Variants in GSG1L observed in about 807,000 individuals in gnomAD.
GSG1L encodes GSG1 like, also known as germ cell-specific gene 1-like protein.
Under a neutral mutation model 42.1 loss-of-function variants are expected in GSG1L, and 24 were observed. That is an observed-to-expected ratio of 0.57 (90% CI 0.41 to 0.80). The LOEUF is 0.80. GSG1L is among the 30% of genes least tolerant of loss of function. The probability of loss-of-function intolerance (pLI) is 0.00; values close to 1 mark genes in which losing one functional copy is unlikely to be tolerated. For synonymous variants in GSG1L, 215 were observed against 203.5 expected (o/e 1.06, Z -0.48); for missense variants, 445 against 472.2 (o/e 0.94, Z 0.53).
chr16:27,847,902 C>A (rs1325266823), intron 3 of GSG1L, among the ~76,000 whole-genome samples: 1 of 152,168 alleles, frequency 6.6e-6, no homozygotes, highest in African/African-American at 2.4e-5. Flanking sequence ...GAACCATGAG[C>A]CAATTAAACC....
Position 28,004,006 on chromosome 16 carries a change from G to C in GSG1L, c.350-40803C>G, listed in dbSNP as rs1301669391. On this transcript the variant is annotated intron_variant, in intron 1 of 6. Transcript: ENST00000447459. ...GATGACACGGGCGGCACAGCTGCTG[G>C]TGCCCACTGTGAGTGTCACGCACCA... 2.0e-5 allele frequency among the ~76,000 whole-genome samples: 3 copies of C among 152,244 alleles called. No individual in the cohort carries two copies. In the East Asian group the frequency reaches 5.8e-4, roughly 29 times the overall value.
At chr16:27,994,830 G>A (rs975133672) in intron 1 of GSG1L, among the ~76,000 whole-genome samples, 1 of 152,184 alleles carries the variant, frequency 6.6e-6, no homozygotes, top group African/African-American at 2.4e-5. Flanking sequence ...ACAGGGCCAC[G>A]ACATTGCACA....
chr16:27,978,844 TG>T (rs1174426182), intron 1 of GSG1L, among the ~76,000 whole-genome samples: 1 of 152,100 alleles, frequency 6.6e-6, no homozygotes, highest in Non-Finnish European at 1.5e-5. Context: ...TCCAATCTTC[TG>T]GGGTTGCTGG....
chr16:27,821,493 C>T (rs1039934573), intron 5 of GSG1L, among the ~76,000 whole-genome samples: 10 of 152,174 alleles, frequency 6.6e-5, no homozygotes, highest in African/African-American at 2.4e-4. Context: ...TCCATGTGTA[C>T]CCAGTGATTA....
intron 4 of GSG1L, 78 bp from the exon 5 acceptor site, chr16:27,829,034 C>T: frequency 1.4e-6 from 2 of 1,384,288 alleles, no homozygotes. Context: ...ACCAAACATT[C>T]ATTCATCCCT....
chr16:27,869,699 C>T (rs2083782999), intron 3 of GSG1L, among the ~76,000 whole-genome samples: 3 of 132,276 alleles, frequency 2.3e-5, no homozygotes, highest in East Asian at 2.4e-4. Context: ...CTCTGTCTCC[C>T]TCCATTTCTC....
intron 2 of GSG1L, among the ~76,000 whole-genome samples, chr16:27,940,125 G>C (rs542315468): frequency 1.9e-4 from 29 of 152,274 alleles, no homozygotes; most frequent in African/African-American, 6.0e-4. Context: ...CTGGCCATCA[G>C]AGAAATGCAA....
At position 28,063,196 on chromosome 16, in the gene GSG1L, AGGCGGT is replaced by A. The variant is rs769658739; in HGVS notation, c.223_228del (p.Thr75_Ala76del). 1.1e-4 allele frequency: 138 copies of A among 1,295,062 alleles called. No homozygotes were observed. The highest frequency in any genetic ancestry group is 1.3e-4 in the Non-Finnish European group (132 of 1,023,808). The allele number at this position is 1,295,062 out of a possible 1,614,324, so 80.2% of individuals were successfully genotyped here. A position where few individuals can be genotyped will look rare whatever the true frequency, so the allele number is the denominator to read the frequency against. On this transcript the variant is annotated inframe_deletion, in exon 1 of 7. Coordinates refer to ENST00000447459, the MANE Select transcript of GSG1L (RefSeq NM_001109763.2). The surrounding 1 kb of genome is among the most constrained non-coding windows in gnomAD (Gnocchi z 5.8). ...GCGCCGCCAGGGGGGCCGTTCCCCG[AGGCGGT>A]GGCGGCGGCGGCGGCGGCGGCGGGG...
chr16:28,004,544 G>T (rs1161108821), intron 1 of GSG1L, among the ~76,000 whole-genome samples: 1 of 151,104 alleles, frequency 6.6e-6, no homozygotes, highest in Non-Finnish European at 1.5e-5. Context: ...GGAGGCCAAG[G>T]CAGGAGGGTT....
intron 2 of GSG1L, among the ~76,000 whole-genome samples, chr16:27,956,656 C>T (rs534060730): frequency 7.9e-5 from 12 of 152,254 alleles, no homozygotes; most frequent in Admixed American, 6.5e-4. Context: ...GCATTTCTGT[C>T]ATTACCATGA....
At chr16:27,898,878 A>G (rs928353862) in intron 2 of GSG1L, among the ~76,000 whole-genome samples, 1 of 152,226 alleles carries the variant, frequency 6.6e-6, no homozygotes, top group African/African-American at 2.4e-5. Flanking sequence ...ATATTCCCAC[A>G]TGGAAATAGT....
rs1365642886 is a variant in GSG1L at position 28,040,875 on chromosome 16, T to C, written c.349+22201A>G. Among the ~76,000 whole-genome samples the C allele has an allele frequency of 6.6e-6, 1 of 152,212 alleles. No individual in the cohort carries two copies. Among genetic ancestry groups the C allele is most frequent in the East Asian group, 1.9e-4 (1 of 5,198 alleles). On this transcript the variant is annotated intron_variant, in intron 1 of 6. Coordinates refer to ENST00000447459, the MANE Select transcript of GSG1L (RefSeq NM_001109763.2). The surrounding 1 kb of genome is among the most constrained non-coding windows in gnomAD (Gnocchi z 4.1). ...GTATCCCCATCCCAGACCATCTCTC[T>C]GCGTTCCGAGGGCCTTATTCAGACC... is the stretch of plus-strand genomic sequence containing the variant.
intron 2 of GSG1L, among the ~76,000 whole-genome samples, chr16:27,893,234 C>T (rs1200403996): frequency 6.6e-6 from 1 of 152,190 alleles, no homozygotes; most frequent in Non-Finnish European, 1.5e-5. Flanking sequence ...TAAAAAACAG[C>T]TTTGTGATGC....
At chr16:28,024,298 A>G (rs1229365249) in intron 1 of GSG1L, among the ~76,000 whole-genome samples, 6 of 152,140 alleles carry the variant, frequency 3.9e-5, no homozygotes, top group African/African-American at 1.4e-4. Context: ...CTCCATGGAA[A>G]TCATCAGGGA....
intron 4 of GSG1L, among the ~76,000 whole-genome samples, chr16:27,842,896 T>C (rs57057516): frequency 0.033 from 4,977 of 151,946 alleles, 286 homozygotes; most frequent in African/African-American, 0.11. Context: ...GATTCCCTCC[T>C]GTTTTGCCTT....
At chr16:27,930,653 C>T (rs557255871) in intron 2 of GSG1L, among the ~76,000 whole-genome samples, 1 of 152,150 alleles carries the variant, frequency 6.6e-6, no homozygotes, top group Non-Finnish European at 1.5e-5. Context: ...AGACATTGTC[C>T]CTGAGAATAC....
intron 1 of GSG1L, among the ~76,000 whole-genome samples, chr16:27,978,469 G>A (rs2085275245): frequency 1.3e-5 from 2 of 151,986 alleles, no homozygotes; most frequent in Non-Finnish European, 2.9e-5. Flanking sequence ...AAGGTGGGCG[G>A]ATCACGAGGT....
chr16:27,797,280 T>C (rs1200052510), intron 6 of GSG1L, among the ~76,000 whole-genome samples: 1 of 152,128 alleles, frequency 6.6e-6, no homozygotes, highest in East Asian at 1.9e-4. Context: ...CTCAGCACTT[T>C]GGGAGGCTGA....
intron 6 of GSG1L, among the ~76,000 whole-genome samples, chr16:27,794,091 T>A (rs920692476): frequency 6.6e-6 from 1 of 152,262 alleles, no homozygotes; most frequent in Non-Finnish European, 1.5e-5. Context: ...CATGGCTCAC[T>A]GCAGCCTCGA....
Sources: allele counts gnomAD v4.1 joint callset (sites outside exome capture counted in the v4.1 genomes callset), GRCh38; gene constraint gnomAD v4.1.1; non-coding constraint Gnocchi (gnomAD v3.1); transcripts MANE v1.5; gene names NCBI Gene and HGNC (gene_info 2026-07-23, HGNC 2026-07-21).